Variants in RAF1 observed in about 807,000 individuals in gnomAD.
RAF1 encodes the protein Raf-1 proto-oncogene, serine/threonine kinase, also known as RAF proto-oncogene serine/threonine-protein kinase.
RAF1 carries 27 observed loss-of-function variants against 81.1 expected under a neutral mutation model. That is an observed-to-expected ratio of 0.33 (90% CI 0.25 to 0.46). The LOEUF is 0.46. Among genes scored for constraint, RAF1 ranks in the 20% least tolerant of loss-of-function variants. The pLI, the probability that RAF1 is intolerant of heterozygous loss-of-function variation, is 1.00. For missense variants in RAF1, 598 were observed against 826.0 expected, an observed-to-expected ratio of 0.72 and a Z score of 3.38; for synonymous variants, 298 against 294.0, an observed-to-expected ratio of 1.01 and a Z score of -0.14.
At chr3:12,587,373 T>C (rs1036277808) in intron 14 of RAF1, 1 of 596,850 alleles carries the variant, frequency 1.7e-6, no homozygotes, top group African/African-American at 1.8e-5. Flanking sequence ...GAAAGGAACC[T>C]AACCTAAACA....
intron 1 of RAF1, among the ~76,000 whole-genome samples, chr3:12,619,599 G>A (rs1056007842): frequency 6.8e-6 from 1 of 146,694 alleles, no homozygotes; most frequent in African/African-American, 2.5e-5. Context: ...CTTGGAACAT[G>A]AGCCCAGGTC....
chr3:12,606,421 C>T (rs946386702), intron 5 of RAF1, 122 bp from the exon 6 acceptor site: 1 of 725,756 alleles, frequency 1.4e-6, no homozygotes, highest in Admixed American at 2.0e-5. Flanking sequence ...TCACATTTTC[C>T]TCAACTGTTT....
At chr3:12,637,001 T>C (rs1575638799) in intron 1 of RAF1, among the ~76,000 whole-genome samples, 1 of 152,088 alleles carries the variant, frequency 6.6e-6, no homozygotes, top group African/African-American at 2.4e-5. Context: ...AAGATAATAA[T>C]GGTACAAACT....
intron 17 of RAF1, 46 bp downstream of exon 16, chr3:12,584,801 G>A (rs375714694): frequency 8.7e-6 from 14 of 1,613,588 alleles, no homozygotes; most frequent in African/African-American, 1.3e-5. Flanking sequence ...CCATCTTTAC[G>A]AACCAACCCA....
At chr3:12,642,811 A>C (rs910182045) in intron 1 of RAF1, among the ~76,000 whole-genome samples, 10 of 150,954 alleles carry the variant, frequency 6.6e-5, no homozygotes, top group Admixed American at 6.0e-4. Context: ...ATGCCTTAAC[A>C]GGGAGGTTGA....
chr3:12,660,278 G>A (rs952667769), intron 1 of RAF1, among the ~76,000 whole-genome samples: 8 of 149,812 alleles, frequency 5.3e-5, no homozygotes, highest in African/African-American at 2.0e-4. Context: ...CATAAAATAC[G>A]TTCAAGCCTT....
At chr3:12,657,000 G>GAAAA (rs773741528) in intron 1 of RAF1, among the ~76,000 whole-genome samples, 2 of 138,962 alleles carry the variant, frequency 1.4e-5, no homozygotes, top group African/African-American at 2.7e-5. Context: ...TCCATCTCGG[G>GAAAA]GAAAAAAAAA....
chr3:12,648,697 G>A (rs2060428072), intron 1 of RAF1, among the ~76,000 whole-genome samples: 1 of 151,980 alleles, frequency 6.6e-6, no homozygotes, highest in Non-Finnish European at 1.5e-5. Flanking sequence ...TGTGAGCCGA[G>A]ATCGCACCAC....
Position 12,663,995 on chromosome 3 carries a change from C to T in RAF1, c.-209G>A, listed in dbSNP as rs727504351. Reference sequence around the variant, plus strand: ...GCGCTCCGCGCCTCAGGGCACGCGCCCCAAAGCCCGGCCAGCTGACCCTTT... The same window carrying T: ...GCGCTCCGCGCCTCAGGGCACGCGCTCCAAAGCCCGGCCAGCTGACCCTTT... On this transcript the variant is annotated 5_prime_UTR_variant, in exon 1 of 18. Coordinates refer to ENST00000442415, the MANE Select transcript of RAF1 (RefSeq NM_001354689.3). 2.9e-4 allele frequency: 117 copies of T among 398,626 alleles called. No individual in the cohort carries two copies. The highest frequency in any genetic ancestry group is 8.2e-4 in the African/African-American group (40 of 48,764). The allele number at this position is 398,626 out of a possible 1,614,324, so 24.7% of individuals were successfully genotyped here. A position where few individuals can be genotyped will look rare whatever the true frequency, so the allele number is the denominator to read the frequency against.
intron 1 of RAF1, among the ~76,000 whole-genome samples, chr3:12,640,769 T>C (rs2060160055): frequency 6.6e-6 from 1 of 152,148 alleles, no homozygotes. Flanking sequence ...TTGGTGGGAC[T>C]GTAAACTAGT....
chr3:12,608,766 A>C lies in RAF1; in HGVS notation c.581T>G (p.Leu194Ter), dbSNP rs1410444633. 1 of 1,614,012 alleles carries C rather than the reference A, an allele frequency of 6.2e-7. No individual in the cohort carries two copies. The stretch of plus-strand genomic sequence containing the variant: ...CTTGGATAAAAGAACAATGCCTTAC[A>C]AGAGTTGTCTGATGTTACTCCAGTC... The change falls in exon 5 of 18, where the codon TTA (leucine) becomes TGA (stop). Residue 194 changes from leucine to a stop codon, truncating the protein, a stop_gained and splice_region_variant. Coordinates refer to ENST00000442415, the MANE Select transcript of RAF1 (RefSeq NM_001354689.3). LOFTEE classifies it high-confidence loss of function.
At position 12,618,701 on chromosome 3, in the gene RAF1, A is replaced by G. The variant is rs886057915; in HGVS notation, c.21T>C (p.Ala7=). Residue 7 remains alanine (A), a synonymous_variant, in exon 2 of 18, where the codon GCT becomes GCC. Coordinates refer to ENST00000442415, the MANE Select transcript of RAF1 (RefSeq NM_001354689.3). ...CAAAACCATTGCTGATCGTCTTCCA[A>G]GCTCCCTGTATGTGCTCCATTGATG... 5.6e-6 allele frequency: 9 copies of G among 1,614,196 alleles called. No homozygotes were observed. The highest frequency in any genetic ancestry group is 7.6e-6 in the Non-Finnish European group (9 of 1,180,034).
At chr3:12,604,055 T>C (rs1003017490) in intron 7 of RAF1, 81 bp downstream of exon 7, 1 of 1,540,700 alleles carries the variant, frequency 6.5e-7, no homozygotes, top group Non-Finnish European at 9.0e-7. Context: ...TTGATCAGAT[T>C]TGAAACCCAA....
At chr3:12,657,806 T>C (rs1040402176) in intron 1 of RAF1, among the ~76,000 whole-genome samples, 3 of 151,656 alleles carry the variant, frequency 2.0e-5, no homozygotes, top group African/African-American at 7.3e-5. Context: ...GCTTTTATTA[T>C]ATTCACAGTT....
At chr3:12,650,998 A>C (rs1326467143) in intron 1 of RAF1, among the ~76,000 whole-genome samples, 4 of 152,214 alleles carry the variant, frequency 2.6e-5, no homozygotes, top group African/African-American at 9.6e-5. Flanking sequence ...GGGAATAAGC[A>C]CAGACAAGCA....
chr3:12,585,279 G>C (rs762101562), intron 15 of RAF1, 26 bp from the exon 15 acceptor site: 3 of 1,613,494 alleles, frequency 1.9e-6, no homozygotes, highest in Non-Finnish European at 2.5e-6. Flanking sequence ...TATGACAAAA[G>C]TGCATTTATC....
rs569740862 is a variant in RAF1, at chr3:12,585,004, G to A, written c.1729-23C>T. 5.7e-5 allele frequency: 92 copies of A among 1,614,034 alleles called. No homozygotes were observed. The Admixed American group carries it at 8.3e-4, about 15-fold the overall frequency. On this transcript the variant is annotated intron_variant, in intron 16 of 17. Coordinates refer to ENST00000442415, the MANE Select transcript of RAF1 (RefSeq NM_001354689.3). Reference sequence around the variant, plus strand: ...GATCTAAGGGAAAGAAAACAGCTGAGCTAATGGGGGGTGAATGAACAACAG... The same window carrying A: ...GATCTAAGGGAAAGAAAACAGCTGAACTAATGGGGGGTGAATGAACAACAG...
chr3:12,659,740 A>AC (rs1305614323), intron 1 of RAF1, among the ~76,000 whole-genome samples: 1 of 151,870 alleles, frequency 6.6e-6, no homozygotes, highest in Non-Finnish European at 1.5e-5. Context: ...GGTTTCATAA[A>AC]CCCCCTCACT....
At chr3:12,641,034 TA>T (rs1170785597) in intron 1 of RAF1, among the ~76,000 whole-genome samples, 4 of 151,900 alleles carry the variant, frequency 2.6e-5, no homozygotes, top group African/African-American at 7.3e-5. Flanking sequence ...TATGCAGCCA[TA>T]AAAAAGGATG....
Sources: gnomAD v4.1 joint callset for allele counts (sites outside exome capture counted in the v4.1 genomes callset) on GRCh38, gnomAD v4.1.1 for gene constraint, MANE v1.5 for transcripts, NCBI Gene and HGNC (gene_info 2026-07-23, HGNC 2026-07-21) for gene names.